Variants in ODAD2 observed in about 807,000 individuals in gnomAD.
ODAD2 encodes the protein outer dynein arm-docking complex subunit 2.
In ODAD2, 89 loss-of-function variants were observed where a neutral mutation model predicts 106.8. The ratio of observed to expected loss-of-function variants is 0.83; its 90% CI spans 0.70 to 0.99. The LOEUF is 0.99. ODAD2 is among the 50% of genes least tolerant of loss of function. The pLI, the probability that ODAD2 is intolerant of heterozygous loss-of-function variation, is 0.00. For synonymous variants in ODAD2, 404 were observed against 436.2 expected (o/e 0.93, Z 0.92); for missense variants, 1,168 against 1,238.5 (o/e 0.94, Z 0.85).
rs1390618055 is a variant in ODAD2, at chr10:27,971,097, T to C, written c.1142+11A>G. On this transcript the variant is annotated intron_variant, in intron 8 of 19. Transcript: ENST00000305242. ...TGCTGCATCTGAAAACAAATGCAAA[T>C]ATCTACATACCCTTTGTAATTAACA... is the stretch of plus-strand genomic sequence containing the variant. 3 of 1,594,080 alleles carry C rather than the reference T, an allele frequency of 1.9e-6. No homozygotes were observed. The highest frequency in any genetic ancestry group is 2.6e-6 in the Non-Finnish European group (3 of 1,167,150).
chr10:27,902,110 C>T (rs532224063), intron 17 of ODAD2, among the ~76,000 whole-genome samples: 7 of 152,298 alleles, frequency 4.6e-5, no homozygotes, highest in South Asian at 2.1e-4. Context: ...AACAGTCTCT[C>T]GGACCACAGT....
chr10:27,884,053 G>T (rs1841916177), intron 17 of ODAD2, among the ~76,000 whole-genome samples: 1 of 152,052 alleles, frequency 6.6e-6, no homozygotes, highest in Admixed American at 6.6e-5. Context: ...AATTTGATGA[G>T]AAACTTTACA....
In ODAD2 at chr10:27,940,669, G is replaced by C. The variant is rs1284196183; in HGVS notation, c.1880C>G (p.Ala627Gly). The C allele has an allele frequency of 2.5e-6, 4 of 1,614,092 alleles. No homozygotes were observed. Among genetic ancestry groups the C allele is most frequent in the Non-Finnish European group, 2.5e-6 (3 of 1,179,990 alleles). The change falls in exon 13 of 20, where the codon GCC becomes GGC. Residue 627 changes from alanine to glycine, a missense_variant. Physicochemically the swap from Ala to Gly is moderately conservative, Grantham distance 60. This residue lies in a region of ODAD2 where 701 missense variants were observed against 712.3 expected (regional missense o/e 0.98). Transcript: ENST00000305242. ...SCSKSHTNKE[A>G]IRKAGGIPLL... ...AGGAATGCCCCCAGCTTTGCGGATG[G>C]CTTCTTTATTCGTATGACTCTTACT...
At chr10:27,960,342 TTA>T (rs1848043558) in intron 10 of ODAD2, among the ~76,000 whole-genome samples, 2 of 147,222 alleles carry the variant, frequency 1.4e-5, no homozygotes. Flanking sequence ...ATTATTATTA[TTA>T]TTATTATTAT....
At chr10:27,974,992 T>A (rs974713092) in intron 7 of ODAD2, among the ~76,000 whole-genome samples, 52 of 152,172 alleles carry the variant, frequency 3.4e-4, no homozygotes, top group African/African-American at 1.3e-3. Flanking sequence ...TTTGTTCTTT[T>A]TGTGATAATT....
intron 17 of ODAD2, among the ~76,000 whole-genome samples, chr10:27,899,290 A>G (rs976368728): frequency 6.6e-6 from 1 of 151,930 alleles, no homozygotes; most frequent in Non-Finnish European, 1.5e-5. Flanking sequence ...CCCAGATACT[A>G]CACTTTTCCC....
intron 13 of ODAD2, 97 bp downstream of exon 13, chr10:27,940,466 A>C (rs758887185): frequency 8.6e-5 from 124 of 1,440,628 alleles, no homozygotes; most frequent in Non-Finnish European, 1.2e-4. Flanking sequence ...TTCTAGAAAA[A>C]GAATGTCCTT....
At chr10:27,951,159 G>A (rs549465186) in intron 10 of ODAD2, among the ~76,000 whole-genome samples, 10 of 152,122 alleles carry the variant, frequency 6.6e-5, no homozygotes, top group Non-Finnish European at 1.0e-4. Flanking sequence ...TGAACTATTG[G>A]AATTCAACAT....
At chr10:27,940,957 G>A (rs1473140582) in intron 12 of ODAD2, 152 bp from the exon 13 acceptor site, 7 of 798,104 alleles carry the variant, frequency 8.8e-6, no homozygotes, top group Admixed American at 6.1e-5. Context: ...AGCAGCCACG[G>A]AAAGCAAAGA....
chr10:27,949,699 A>G (rs1197877055), intron 10 of ODAD2, among the ~76,000 whole-genome samples: 1 of 152,108 alleles, frequency 6.6e-6, no homozygotes, highest in Admixed American at 6.6e-5. Flanking sequence ...GGCCAATGTA[A>G]TTTACAATGA....
At chr10:27,991,189 C>T (rs1850214067) in intron 2 of ODAD2, among the ~76,000 whole-genome samples, 1 of 152,086 alleles carries the variant, frequency 6.6e-6, no homozygotes, top group Non-Finnish European at 1.5e-5. Context: ...AGAACAAAAG[C>T]AATTGCAAAT....
chr10:27,934,890 A>T, intron 16 of ODAD2, 120 bp downstream of exon 16: 2 of 1,250,582 alleles, frequency 1.6e-6, no homozygotes, highest in African/African-American at 1.5e-5. Flanking sequence ...TATTTATATG[A>T]CACACTGTAT....
At chr10:27,957,728 A>G (rs903772449) in intron 10 of ODAD2, 2 of 152,190 alleles carry the variant, frequency 1.3e-5, no homozygotes, top group Non-Finnish European at 2.9e-5. Context: ...CATATGTCAA[A>G]CCAAATAATT....
chr10:27,865,602 G>A (rs1441459507), intron 17 of ODAD2, among the ~76,000 whole-genome samples: 1 of 152,198 alleles, frequency 6.6e-6, no homozygotes, highest in Non-Finnish European at 1.5e-5. Context: ...CTTTGACCCT[G>A]AACTGTAAGT....
chr10:27,914,974 G>A (rs531553468), intron 16 of ODAD2, among the ~76,000 whole-genome samples: 5 of 151,970 alleles, frequency 3.3e-5, no homozygotes, highest in Non-Finnish European at 7.4e-5. Flanking sequence ...ACATATGCAT[G>A]ATTGGAATAC....
At chr10:27,950,047 T>C (rs921829618) in intron 10 of ODAD2, among the ~76,000 whole-genome samples, 7 of 152,134 alleles carry the variant, frequency 4.6e-5, no homozygotes, top group Non-Finnish European at 1.0e-4. Context: ...GTTCTGTCCC[T>C]ACCCCACACA....
At chr10:27,927,220 G>A (rs1461793688) in intron 16 of ODAD2, among the ~76,000 whole-genome samples, 1 of 152,098 alleles carries the variant, frequency 6.6e-6, no homozygotes, top group Non-Finnish European at 1.5e-5. Context: ...GAAGAGAGGT[G>A]CTATGAATTC....
intron 19 of ODAD2, among the ~76,000 whole-genome samples, chr10:27,829,997 T>C (rs1693534165): frequency 6.6e-6 from 1 of 152,140 alleles, no homozygotes; most frequent in Admixed American, 6.5e-5. Context: ...TTAATTCTTC[T>C]ATGAAATCCA....
intron 16 of ODAD2, among the ~76,000 whole-genome samples, 171 bp from the exon 17 acceptor site, chr10:27,907,948 C>G (rs1344888767): frequency 1.5e-4 from 22 of 148,910 alleles, no homozygotes; most frequent in Admixed American, 1.2e-3. Flanking sequence ...GTTGAATTGT[C>G]AGCCCTCTGA....
Sources: allele counts gnomAD v4.1 joint callset (sites outside exome capture counted in the v4.1 genomes callset), GRCh38; gene constraint gnomAD v4.1.1; regional missense constraint gnomAD v4.1.1; transcripts MANE v1.5; gene names NCBI Gene and HGNC (gene_info 2026-07-23, HGNC 2026-07-21).